Variants in C3orf52 observed in about 807,000 individuals in gnomAD.
C3orf52 encodes the protein chromosome 3 open reading frame 52, also known as TPA-induced transmembrane protein.
C3orf52 carries 22 observed loss-of-function variants against 24.8 expected under a neutral mutation model. The observed-to-expected ratio is 0.89, with a 90% CI of 0.63 to 1.27. C3orf52 has a LOEUF of 1.27. Ranked by LOEUF, C3orf52 falls within the 50% of genes most tolerant of loss-of-function variation. C3orf52 has a pLI of 0.00. For missense variants in C3orf52, 265 were observed against 260.7 expected, an observed-to-expected ratio of 1.02 and a Z score of -0.11; for synonymous variants, 93 against 100.2, an observed-to-expected ratio of 0.93 and a Z score of 0.43.
chr3:112,127,963 C>G, intron 4 of C3orf52: 1 of 1,495,088 alleles, frequency 6.7e-7, no homozygotes, highest in Middle Eastern at 1.7e-4. Flanking sequence ...ACAGCAAATA[C>G]CACATTGAAA....
chr3:112,116,156 G>A (rs1403307629), intron 5 of C3orf52, among the ~76,000 whole-genome samples: 1 of 152,204 alleles, frequency 6.6e-6, no homozygotes, highest in African/African-American at 2.4e-5. Context: ...TCCTGTCAGT[G>A]GTGGCGAGGC....
intron 1 of C3orf52, among the ~76,000 whole-genome samples, chr3:112,092,331 T>G (rs2073885771): frequency 6.6e-6 from 1 of 152,212 alleles, no homozygotes; most frequent in African/African-American, 2.4e-5. Flanking sequence ...TGGTTTGGAA[T>G]CCAAGTGTGT....
Position 112,106,321 on chromosome 3 carries a change from G to A in C3orf52, c.397-3222G>A, listed in dbSNP as rs2074024532. Reference sequence around the variant, plus strand: ...TTGCCTAGGCTGATATCAAGCTCCTGGCCTCAAGCGATTCTCCCTGCTCAG... The same window carrying A: ...TTGCCTAGGCTGATATCAAGCTCCTAGCCTCAAGCGATTCTCCCTGCTCAG... On this transcript the variant is annotated intron_variant, in intron 3 of 5. Transcript: ENST00000264848. 2.0e-5 allele frequency among the ~76,000 whole-genome samples: 3 copies of A among 151,948 alleles called. No homozygotes were observed. The South Asian group carries it at 6.2e-4, about 32-fold the overall frequency.
chr3:112,122,611 T>C (rs1213558156), downstream of C3orf52: 3 of 152,182 alleles, frequency 2.0e-5, no homozygotes. Context: ...ACATTTAATA[T>C]ATTGCAGAGG....
At chr3:112,111,758 A>G (rs968065444) in intron 4 of C3orf52, 1 of 152,220 alleles carries the variant, frequency 6.6e-6, no homozygotes, top group Non-Finnish European at 1.5e-5. Context: ...CTCAGGGAAC[A>G]AGTTATGACA....
intron 4 of C3orf52, chr3:112,112,005 C>A (rs1272595606): frequency 6.6e-6 from 1 of 152,174 alleles, no homozygotes; most frequent in African/African-American, 2.4e-5. Flanking sequence ...GAGCTCTTTG[C>A]CTATCCTTAG....
At chr3:112,125,087 G>A (rs1196455451) in intron 4 of C3orf52, 10 of 678,180 alleles carry the variant, frequency 1.5e-5, no homozygotes, top group South Asian at 8.7e-5. Flanking sequence ...CCTGCCACCC[G>A]AGTTCACAAG....
chr3:112,126,831 A>G (rs1328559781), intron 4 of C3orf52, among the ~76,000 whole-genome samples: 2 of 152,326 alleles, frequency 1.3e-5, no homozygotes, highest in Admixed American at 6.5e-5. Context: ...CTCACCATCT[A>G]CTGAGGACAA....
chr3:112,116,363 T>C (rs2074133279), intron 5 of C3orf52, among the ~76,000 whole-genome samples: 1 of 152,172 alleles, frequency 6.6e-6, no homozygotes, highest in South Asian at 2.1e-4. Flanking sequence ...TGTTAAAATG[T>C]CCTTAGCACC....
chr3:112,089,471 G>A (rs955452102), intron 1 of C3orf52, among the ~76,000 whole-genome samples: 1 of 150,788 alleles, frequency 6.6e-6, no homozygotes, highest in Non-Finnish European at 1.5e-5. Context: ...GGAGGTCGTG[G>A]TGAGCCCAGA....
At chr3:112,120,914 A>G (rs2074182804), downstream of C3orf52, 1 of 152,142 alleles carries the variant, frequency 6.6e-6, no homozygotes, top group Admixed American at 6.5e-5. Context: ...CTCATATCAG[A>G]ATTTTTTAAC....
intron 5 of C3orf52, among the ~76,000 whole-genome samples, chr3:112,115,423 G>A (rs1576150535): frequency 1.3e-5 from 2 of 152,194 alleles, no homozygotes; most frequent in East Asian, 3.8e-4. Context: ...GTGCTCATGA[G>A]CTGTGGGCTT....
downstream of C3orf52, chr3:112,133,045 T>C: frequency 6.3e-7 from 1 of 1,586,230 alleles, no homozygotes; most frequent in Non-Finnish European, 8.6e-7. Context: ...CTTGCTGTAT[T>C]GTCCTGTCCC....
Position 112,093,489 on chromosome 3 carries a change from G to C in C3orf52, c.268G>C (p.Val90Leu). The C allele has an allele frequency of 6.2e-7, 1 of 1,611,890 alleles. No homozygotes were observed. The highest frequency in any genetic ancestry group is 1.1e-5 in the South Asian group (1 of 90,588). ...CATCATAGGCTTATGTCTTGCTGCAGGTAAGAGGATTTAGATGTGAATAAA... is the reference window on the plus strand; with the variant it reads ...CATCATAGGCTTATGTCTTGCTGCACGTAAGAGGATTTAGATGTGAATAAA... ...VIIIGLCLAAVTYVDEDENEI... is the reference protein window; with the variant it reads ...VIIIGLCLAALTYVDEDENEI... Residue 90 changes from valine to leucine, a missense_variant and splice_region_variant, in exon 2 of 6, where the codon GTA becomes CTA. Transcript: ENST00000264848.
At chr3:112,093,957 A>G (rs558295921) in intron 2 of C3orf52, among the ~76,000 whole-genome samples, 4 of 152,136 alleles carry the variant, frequency 2.6e-5, no homozygotes, top group Non-Finnish European at 1.5e-5. Context: ...TTGAAGAACC[A>G]TGTGTCCATA....
intron 4 of C3orf52, among the ~76,000 whole-genome samples, chr3:112,124,532 C>T (rs371616121): frequency 6.6e-6 from 1 of 152,128 alleles, no homozygotes; most frequent in Non-Finnish European, 1.5e-5. Flanking sequence ...CGCTTGAACC[C>T]AGGAGGCGGA....
chr3:112,093,541 G>T (rs766754534), intron 2 of C3orf52, 52 bp downstream of exon 2: 23 of 1,536,852 alleles, frequency 1.5e-5, no homozygotes, highest in Non-Finnish European at 2.0e-5. Context: ...CTTACTTAAG[G>T]CTTGTGACTT....
chr3:112,086,816 C>T (rs1311462061), intron 1 of C3orf52, among the ~76,000 whole-genome samples: 2 of 152,192 alleles, frequency 1.3e-5, no homozygotes, highest in Non-Finnish European at 2.9e-5. Flanking sequence ...CCGCTGCTGT[C>T]TTCAGAGAGG....
chr3:112,101,910 G>A (rs1433029418), intron 2 of C3orf52, among the ~76,000 whole-genome samples: 4 of 152,184 alleles, frequency 2.6e-5, no homozygotes, highest in Non-Finnish European at 5.9e-5. Context: ...GCTAGCTTCT[G>A]GCGCCTGGCT....
Sources: allele counts gnomAD v4.1 joint callset (sites outside exome capture counted in the v4.1 genomes callset), GRCh38; gene constraint gnomAD v4.1.1; transcripts MANE v1.5; gene names NCBI Gene and HGNC (gene_info 2026-07-23, HGNC 2026-07-21).